Variants in FGF14 observed in about 807,000 individuals in gnomAD.
The protein encoded by FGF14 is fibroblast growth factor 14, also known as fibroblast growth factor homologous factor 4.
FGF14 carries 5 observed loss-of-function variants against 25.5 expected under a neutral mutation model. The ratio of observed to expected loss-of-function variants is 0.20; its 90% CI spans 0.10 to 0.41. The LOEUF is 0.41. Ranked by LOEUF, FGF14 falls within the 10% of genes least tolerant of loss-of-function variation. The pLI is 1.00. For missense variants in FGF14, 222 were observed against 320.1 expected (o/e 0.69, Z 2.34); for synonymous variants, 138 against 118.3 (o/e 1.17, Z -1.08).
At chr13:101,946,214 C>T (rs2035793814) in intron 1 of FGF14, among the ~76,000 whole-genome samples, 1 of 151,978 alleles carries the variant, frequency 6.6e-6, no homozygotes, top group South Asian at 2.1e-4. Context: ...ACCCTCAGGA[C>T]TCCCATGCCT....
At chr13:102,278,140 T>C (rs1432151702) in intron 1 of FGF14, among the ~76,000 whole-genome samples, 1 of 152,166 alleles carries the variant, frequency 6.6e-6, no homozygotes, top group East Asian at 1.9e-4. Flanking sequence ...ACACAAAATG[T>C]AGCTAAAATC....
At chr13:102,317,955 C>T (rs1394384873) in intron 1 of FGF14, among the ~76,000 whole-genome samples, 1 of 152,194 alleles carries the variant, frequency 6.6e-6, no homozygotes, top group Non-Finnish European at 1.5e-5. Context: ...ATCTGGCCTA[C>T]TACAACAATT....
chr13:102,150,735 G>A (rs1310037641), intron 1 of FGF14, among the ~76,000 whole-genome samples: 1 of 152,056 alleles, frequency 6.6e-6, no homozygotes, highest in Non-Finnish European at 1.5e-5. Flanking sequence ...TCAAATGCAG[G>A]TGATTTTGCC....
chr13:101,866,772 T>C (rs1304348481), intron 3 of FGF14, among the ~76,000 whole-genome samples: 2 of 152,302 alleles, frequency 1.3e-5, no homozygotes, highest in East Asian at 1.9e-4. Flanking sequence ...GGTACTGATA[T>C]AGATTCATAA....
At chr13:101,883,960 G>C (rs934571056) in intron 1 of FGF14, among the ~76,000 whole-genome samples, 2 of 149,608 alleles carry the variant, frequency 1.3e-5, no homozygotes, top group African/African-American at 4.9e-5. Flanking sequence ...CTACTCTGGA[G>C]GCTGAAGCAG....
chr13:101,972,248 C>G (rs941835146), intron 1 of FGF14, among the ~76,000 whole-genome samples: 3 of 152,184 alleles, frequency 2.0e-5, no homozygotes, highest in African/African-American at 7.2e-5. Flanking sequence ...CACCTGCAAG[C>G]CCAGTGCTGA....
intron 1 of FGF14, among the ~76,000 whole-genome samples, chr13:102,150,135 T>G (rs1438497145): frequency 6.6e-6 from 1 of 152,106 alleles, no homozygotes; most frequent in African/African-American, 2.4e-5. Context: ...CTGGTCTCAG[T>G]TCCACCAGCT....
intron 1 of FGF14, among the ~76,000 whole-genome samples, chr13:102,123,446 A>C (rs1374330161): frequency 6.6e-6 from 1 of 152,206 alleles, no homozygotes; most frequent in African/African-American, 2.4e-5. Flanking sequence ...ATAGAAATTT[A>C]GGTAACAGGC....
chr13:102,010,929 T>G (rs61031175), intron 1 of FGF14, among the ~76,000 whole-genome samples: 6,039 of 152,154 alleles, frequency 0.04, 198 homozygotes, highest in African/African-American at 0.083. Flanking sequence ...TCAAAGTGAG[T>G]TTTTGTTCTC....
chr13:101,875,152 A>T (rs1275437031), intron 2 of FGF14, 34 bp downstream of exon 2: 1 of 1,387,146 alleles, frequency 7.2e-7, no homozygotes, highest in South Asian at 1.2e-5. Flanking sequence ...TCTTCTACCA[A>T]CTATGTAACT....
Position 101,718,023 on chromosome 13 carries a change from A to AT in FGF14, c.*4807dup, listed in dbSNP as rs1251467904. The AT allele has an allele frequency of 6.6e-6, 1 of 152,150 alleles. No homozygotes were observed. Among genetic ancestry groups the AT allele is most frequent in the African/African-American group, 2.4e-5 (1 of 41,448 alleles). 9.4% of individuals were successfully genotyped at this position (152,150 alleles called of 1,614,324 possible). ...TAGATATTGGAGAAATTATCATACCATAAAAAGTTCAAAATGTGATTCATC... is the reference window on the plus strand; with the variant it reads ...TAGATATTGGAGAAATTATCATACCATTAAAAAGTTCAAAATGTGATTCATC... On this transcript the variant is annotated 3_prime_UTR_variant, in exon 5 of 5. Coordinates refer to ENST00000376143, the MANE Select transcript of FGF14 (RefSeq NM_004115.4).
intron 1 of FGF14, among the ~76,000 whole-genome samples, chr13:101,897,110 T>A (rs1027249106): frequency 6.6e-6 from 1 of 152,180 alleles, no homozygotes; most frequent in Non-Finnish European, 1.5e-5. Context: ...TATTATTATG[T>A]GTACAGGAGA....
At chr13:101,910,751 G>T (rs761756196) in intron 1 of FGF14, among the ~76,000 whole-genome samples, 27 of 151,660 alleles carry the variant, frequency 1.8e-4, no homozygotes, top group Non-Finnish European at 2.9e-4. Context: ...CCAAAACTAT[G>T]AAATTAGTTG....
intron 1 of FGF14, among the ~76,000 whole-genome samples, chr13:102,236,934 G>A (rs2051355169): frequency 6.6e-6 from 1 of 152,110 alleles, no homozygotes; most frequent in African/African-American, 2.4e-5. Flanking sequence ...GGAGGGGACT[G>A]GAAAGGCGCT....
chr13:102,309,190 G>A (rs1286080299), intron 1 of FGF14, among the ~76,000 whole-genome samples: 1 of 135,268 alleles, frequency 7.4e-6, no homozygotes, highest in Non-Finnish European at 1.6e-5. Context: ...AATGCGTTGA[G>A]TGCCTCCCAG....
At chr13:102,121,558 T>C (rs1232333093) in intron 1 of FGF14, among the ~76,000 whole-genome samples, 1 of 152,242 alleles carries the variant, frequency 6.6e-6, no homozygotes, top group Non-Finnish European at 1.5e-5. Context: ...TAAGTTTTTA[T>C]TTGTAATCAT....
chr13:101,790,453 T>C (rs1346268054), intron 3 of FGF14, among the ~76,000 whole-genome samples: 2 of 151,174 alleles, frequency 1.3e-5, no homozygotes, highest in Admixed American at 6.6e-5. Context: ...AGTGGGTACA[T>C]GTGCAGGTTT....
chr13:102,361,702 T>C lies in FGF14; in HGVS notation c.208+39769A>G, dbSNP rs114101470. On this transcript the variant is annotated intron_variant, in intron 1 of 4. Coordinates refer to the FGF14 transcript ENST00000376131. ...GGGATTCGTTTCCAAACTTTTGTCTTTACCTTTGAACACTATTTTGAATTC... is the reference window on the plus strand; with the variant it reads ...GGGATTCGTTTCCAAACTTTTGTCTCTACCTTTGAACACTATTTTGAATTC... 2.3e-3 allele frequency among the ~76,000 whole-genome samples: 356 copies of C among 152,308 alleles called. 2 individuals are homozygous for C. Among genetic ancestry groups the C allele is most frequent in the African/African-American group, 8.4e-3 (349 of 41,574 alleles).
chr13:101,884,925 T>TA (rs1236616849), intron 1 of FGF14, among the ~76,000 whole-genome samples: 1 of 151,924 alleles, frequency 6.6e-6, no homozygotes, highest in African/African-American at 2.4e-5. Context: ...GCCCCTTTCT[T>TA]CTTAGGGGCT....
Sources: allele counts gnomAD v4.1 joint callset (sites outside exome capture counted in the v4.1 genomes callset), GRCh38; gene constraint gnomAD v4.1.1; transcripts MANE v1.5; gene names NCBI Gene and HGNC (gene_info 2026-07-23, HGNC 2026-07-21).